Variants in MKI67 observed in about 807,000 individuals in gnomAD.
MKI67 encodes the protein proliferation marker protein Ki-67.
MKI67 carries 152 observed loss-of-function variants against 233.5 expected under a neutral mutation model. The ratio of observed to expected loss-of-function variants is 0.65; its 90% CI spans 0.57 to 0.74. The LOEUF (loss-of-function observed/expected upper bound fraction) is 0.74. Among genes scored for constraint, MKI67 ranks in the 30% least tolerant of loss-of-function variants. The pLI is 0.00. For missense variants in MKI67, 3,940 were observed against 3,885.2 expected, an observed-to-expected ratio of 1.01 and a Z score of -0.37; for synonymous variants, 1,465 against 1,418.5, an observed-to-expected ratio of 1.03 and a Z score of -0.74.
In MKI67 at chr10:128,107,350, T is replaced by A; in HGVS notation, c.4490A>T (p.Gln1497Leu). ...EKTTKIACRS[Q>L]PDPVDTPTSS... ...TGTTGGTGTGTCCACTGGGTCTGGT[T>A]GTGATCTGCAGGCTATTTTGGTAGT... is the stretch of plus-strand genomic sequence containing the variant. Residue 1497 changes from glutamine (Q) to leucine (L), a missense_variant, in exon 13 of 15, where the codon CAA becomes CTA. Transcript: ENST00000368654. The A allele has an allele frequency of 6.2e-7, 1 of 1,613,906 alleles. No homozygotes were observed. The highest frequency in any genetic ancestry group is 2.2e-5 in the East Asian group (1 of 44,852).
chr10:128,111,418 C>T (rs879914201), intron 11 of MKI67: 8 of 473,038 alleles, frequency 1.7e-5, no homozygotes, highest in Admixed American at 3.8e-5. Context: ...TTGACATTTC[C>T]ACACCTATTT....
intron 11 of MKI67, among the ~76,000 whole-genome samples, chr10:128,111,014 T>C (rs939528023): frequency 1.3e-5 from 2 of 152,260 alleles, no homozygotes; most frequent in African/African-American, 2.4e-5. Context: ...AGTAATAATA[T>C]ATATTTTTGA....
rs762801824 is a variant in MKI67 at position 128,115,246 on chromosome 10, TA to T, written c.1161del (p.Asp387GlufsTer59). The T allele has an allele frequency of 1.9e-6, 3 of 1,614,254 alleles. No homozygotes were observed. The South Asian group carries it at 3.3e-5, about 18-fold the overall frequency. ...GAAAGCTTCCTGGGAGTAAGAGTTT[TA>T]TCACCAGCCTTGAAGCCTTCACTTT... is the stretch of plus-strand genomic sequence containing the variant. The part of the protein sequence containing the change: ...LGKSEGFKAG[D>X]KTLTPRKLST... On this transcript the variant is annotated frameshift_variant, in exon 7 of 15. Transcript: ENST00000368654. LOFTEE classifies it high-confidence loss of function.
In MKI67 at chr10:128,123,102, G is replaced by A. The variant is rs776265637; in HGVS notation, c.160C>T (p.His54Tyr). ...AAAAACCCACTCACCTCCTGCTCAT[G>A]GATTTCAATTTTGCAATGTTGTTTT... The part of the protein sequence containing the change: ...VSKQHCKIEI[H>Y]EQEAILHNFS... The change falls in exon 3 of 15, where the codon CAT (histidine) becomes TAT (tyrosine). Residue 54 changes from histidine (H) to tyrosine (Y), a missense_variant. Coordinates refer to ENST00000368654, the MANE Select transcript of MKI67 (RefSeq NM_002417.5). 3 of 1,613,514 alleles carry A rather than the reference G, an allele frequency of 1.9e-6. No homozygotes were observed. The highest frequency in any genetic ancestry group is 2.2e-5 in the South Asian group (2 of 91,064).
rs369941908 is a variant in MKI67 at position 128,122,972 on chromosome 10, T to C, written c.196A>G (p.Thr66Ala). ...QEAILHNFSS[T>A]NPTQVNGSVI... ...GACCCATTTACTTGTGTTGGATTTG[T>C]GGAACTGAAATTATGTAATATTGCC... Residue 66 changes from threonine (T) to alanine (A), a missense_variant, in exon 4 of 15, where the codon ACA becomes GCA. Coordinates refer to ENST00000368654, the MANE Select transcript of MKI67 (RefSeq NM_002417.5). The C allele has an allele frequency of 2.3e-5, 37 of 1,608,012 alleles. No individual in the cohort carries two copies. Among genetic ancestry groups the C allele is most frequent in the Non-Finnish European group, 3.1e-5 (36 of 1,175,074 alleles).
chr10:128,115,051 C>T lies in MKI67; in HGVS notation c.1357G>A (p.Glu453Lys). ...AGGGAATCCTTTTGGATCTTCCTCT[C>T]AACTTGAGTGAGCCACAGAGTTAAA... ...PFLTLWLTQV[E>K]RKIQKDSLSK... The change falls in exon 7 of 15, where the codon GAG becomes AAG. Residue 453 changes from glutamate to lysine, a missense_variant. Coordinates refer to ENST00000368654, the MANE Select transcript of MKI67 (RefSeq NM_002417.5). 1 of 1,613,486 alleles carries T rather than the reference C, an allele frequency of 6.2e-7. No individual in the cohort carries two copies. The highest frequency in any genetic ancestry group is 8.5e-7 in the Non-Finnish European group (1 of 1,179,406).
chr10:128,104,038 T>C lies in MKI67; in HGVS notation c.7802A>G (p.Lys2601Arg). Reference protein sequence around the residue: ...PELTDTATSTKRCPKTRPRKE... With the variant: ...PELTDTATSTRRCPKTRPRKE... ...CCTGGGACGTGTCTTGGGGCATCTC[T>C]TTGTGCTCGTGGCAGTGTCTGTTAG... is the stretch of plus-strand genomic sequence containing the variant. The change falls in exon 13 of 15, where the codon AAG (lysine) becomes AGG (arginine). Residue 2601 changes from lysine to arginine, a missense_variant. Coordinates refer to ENST00000368654, the MANE Select transcript of MKI67 (RefSeq NM_002417.5). 1 of 1,614,122 alleles carries C rather than the reference T, an allele frequency of 6.2e-7. No individual in the cohort carries two copies.
chr10:128,119,192 A>G, intron 5 of MKI67, 61 bp downstream of exon 5: 1 of 1,180,370 alleles, frequency 8.5e-7, no homozygotes, highest in East Asian at 2.3e-5. Flanking sequence ...TCATTAAAGC[A>G]TACATAAATG....
chr10:128,101,428 C>T lies in MKI67; in HGVS notation c.9535G>A (p.Ala3179Thr). ...VAEESGGQKS[A>T]KVLMQNQKGK... ...TTCTGATTCTGCATGAGAACCTTCG[C>T]ACTCTTCTGCCCTCCGCTCTCCTCT... is the stretch of plus-strand genomic sequence containing the variant. The change falls in exon 14 of 15, where the codon GCG becomes ACG. Residue 3179 changes from alanine to threonine, a missense_variant. Ala to Thr is a moderately conservative substitution (Grantham distance 58, BLOSUM62 0). Transcript: ENST00000368654. The T allele has an allele frequency of 1.2e-6, 2 of 1,614,196 alleles. No individual in the cohort carries two copies. Among genetic ancestry groups the T allele is most frequent in the Middle Eastern group, 3.3e-4 (2 of 6,062 alleles).
In MKI67 at chr10:128,115,882, C is replaced by G. The variant is rs933456023; in HGVS notation, c.526G>C (p.Ala176Pro). Residue 176 changes from alanine (A) to proline (P), a missense_variant, in exon 7 of 15, where the codon GCT (alanine) becomes CCT (proline). Physicochemically the swap from Ala to Pro is conservative, Grantham distance 27. Coordinates refer to ENST00000368654, the MANE Select transcript of MKI67 (RefSeq NM_002417.5). ...GAATGAACATTAGTTGTTCCCTGAG[C>G]AACACTGTCTTTTGAGTCATCTGCG... ...STADDSKDSV[A>P]QGTTNVHSSE... 6.2e-7 allele frequency: 1 copy of G among 1,609,292 alleles called. No homozygotes were observed. The highest frequency in any genetic ancestry group is 1.3e-5 in the African/African-American group (1 of 74,938).
In MKI67 at chr10:128,107,901, C is replaced by T. The variant is rs368815462; in HGVS notation, c.3939G>A (p.Val1313=). 7.4e-6 allele frequency: 12 copies of T among 1,613,134 alleles called. No individual in the cohort carries two copies. The highest frequency in any genetic ancestry group is 1.7e-5 in the Admixed American group (1 of 59,846). ...VGEEKDIIIF[V]GTPVQKLDLT... is the part of the protein sequence containing the mutation. ...GGTCCAGTTTCTGCACTGGAGTTCC[C>T]ACAAATATGATGATGTCTTTCTCTT... Residue 1313 remains valine, a synonymous_variant, in exon 13 of 15, where the codon GTG becomes GTA. Transcript: ENST00000368654.
rs746499946 is a variant in MKI67, at chr10:128,103,330, C to T, written c.8510G>A (p.Ser2837Asn). ...ACGTGTCCTGGGCCGTCTCTTTGAG[C>T]TTGTTGCGGTGTCTTCTAGTTCTGG... is the stretch of plus-strand genomic sequence containing the variant. ...SSPELEDTATSSKRRPRTRAQ... is the reference protein window; with the variant it reads ...SSPELEDTATNSKRRPRTRAQ... Residue 2837 changes from serine to asparagine, a missense_variant, in exon 13 of 15, where the codon AGC (serine) becomes AAC (asparagine). Coordinates refer to ENST00000368654, the MANE Select transcript of MKI67 (RefSeq NM_002417.5). 3.1e-6 allele frequency: 5 copies of T among 1,614,098 alleles called. No individual in the cohort carries two copies. The East Asian group carries it at 1.1e-4, about 36-fold the overall frequency.
chr10:128,105,312 A>T lies in MKI67; in HGVS notation c.6528T>A (p.Gly2176=). Residue 2176 remains glycine, a synonymous_variant, in exon 13 of 15, where the codon GGT becomes GGA. Transcript: ENST00000368654. The part of the protein sequence containing the change: ...QKLDPAASVT[G]SKRQPRTPKG... ...TAGGAGTTCTTGGCTGCCTCTTGCTACCAGTTACACTTGCTGCTGGGTCCA... is the reference window on the plus strand; with the variant it reads ...TAGGAGTTCTTGGCTGCCTCTTGCTTCCAGTTACACTTGCTGCTGGGTCCA... 1 of 1,613,758 alleles carries T rather than the reference A, an allele frequency of 6.2e-7. No homozygotes were observed. The highest frequency in any genetic ancestry group is 1.7e-5 in the Admixed American group (1 of 59,994).
At position 128,109,091 on chromosome 10, in the gene MKI67, T is replaced by C. The variant is rs1187017991; in HGVS notation, c.2749A>G (p.Arg917Gly). 3 of 1,614,250 alleles carry C rather than the reference T, an allele frequency of 1.9e-6. No homozygotes were observed. The highest frequency in any genetic ancestry group is 2.5e-6 in the Non-Finnish European group (3 of 1,180,042). ...ATTTCCTTCATCTCTCCTTCTCTCC[T>C]TTGTTGTAGTAGTGTTGCCTTCTGA... ...RGQKATLLQQRREGEMKEIER... is the reference protein window; with the variant it reads ...RGQKATLLQQGREGEMKEIER... Residue 917 changes from arginine to glycine, a missense_variant, in exon 13 of 15, where the codon AGG (arginine) becomes GGG (glycine). Transcript: ENST00000368654.
chr10:128,122,109 T>C (rs2136151458), intron 4 of MKI67, among the ~76,000 whole-genome samples: 1 of 152,306 alleles, frequency 6.6e-6, no homozygotes, highest in African/African-American at 2.4e-5. Context: ...GCTGAGGATG[T>C]ATTAGTCTGC....
In MKI67 at chr10:128,107,780, G is replaced by C; in HGVS notation, c.4060C>G (p.Gln1354Glu). ...EDLTGFKELFQTPGHTEEAVA... is the reference protein window; with the variant it reads ...EDLTGFKELFETPGHTEEAVA... ...GCTTCTTCAGTATGACCAGGGGTCT[G>C]GAAGAGCTCTTTAAAGCCAGTCAGG... Residue 1354 changes from glutamine (Q) to glutamate (E), a missense_variant, in exon 13 of 15, where the codon CAG becomes GAG. Physicochemically the swap from Gln to Glu is conservative, Grantham distance 29. Coordinates refer to ENST00000368654, the MANE Select transcript of MKI67 (RefSeq NM_002417.5). 6.2e-7 allele frequency: 1 copy of C among 1,613,984 alleles called. No homozygotes were observed. The highest frequency in any genetic ancestry group is 8.5e-7 in the Non-Finnish European group (1 of 1,179,992).
chr10:128,110,386 T>C lies in MKI67; in HGVS notation c.2408A>G (p.Glu803Gly). The C allele has an allele frequency of 6.4e-7, 1 of 1,564,128 alleles. No homozygotes were observed. The highest frequency in any genetic ancestry group is 8.7e-7 in the Non-Finnish European group (1 of 1,143,126). Residue 803 changes from glutamate (E) to glycine (G), a missense_variant, in exon 12 of 15, where the codon GAG becomes GGG. Transcript: ENST00000368654. ...SGEEPLLPTSESFGGNVFFSA... is the reference protein window; with the variant it reads ...SGEEPLLPTSGSFGGNVFFSA... ...GAAACAAGGAAACCAACCAAAACTCTCTGAGGTGGGGAGCAGAGGTTCTTC... is the reference window on the plus strand; with the variant it reads ...GAAACAAGGAAACCAACCAAAACTCCCTGAGGTGGGGAGCAGAGGTTCTTC...
Position 128,108,752 on chromosome 10 carries a change from C to G in MKI67, c.3088G>C (p.Gly1030Arg), listed in dbSNP as rs201157040. The G allele has an allele frequency of 1.1e-5, 17 of 1,614,080 alleles. No homozygotes were observed. The Admixed American group carries it at 1.8e-4, about 17-fold the overall frequency. Reference protein sequence around the residue: ...HTKQQLKASLGKVGVKEELLA... With the variant: ...HTKQQLKASLRKVGVKEELLA... ...AGCTCTTCTTTCACACCTACTTTCC[C>G]CAGGGATGCCTTCAACTGTTGTTTT... The change falls in exon 13 of 15, where the codon GGG becomes CGG. Residue 1030 changes from glycine to arginine, a missense_variant. Physicochemically the swap from Gly to Arg is moderately radical, Grantham distance 125 (BLOSUM62 -2). Transcript: ENST00000368654.
At position 128,113,590 on chromosome 10, in the gene MKI67, C is replaced by G; in HGVS notation, c.1493G>C (p.Gly498Ala). The G allele has an allele frequency of 6.2e-7, 1 of 1,613,994 alleles. No homozygotes were observed. The highest frequency in any genetic ancestry group is 8.5e-7 in the Non-Finnish European group (1 of 1,179,892). ...NFGDSINESE[G>A]IPLKRRRVSF... ...CACACGCCTTCTTTTCAAAGGTATTCCCTCACTCTCATCTAAAGTAACGGA... is the reference window on the plus strand; with the variant it reads ...CACACGCCTTCTTTTCAAAGGTATTGCCTCACTCTCATCTAAAGTAACGGA... The change falls in exon 8 of 15, where the codon GGA (glycine) becomes GCA (alanine). Residue 498 changes from glycine (G) to alanine (A), a missense_variant. Coordinates refer to ENST00000368654, the MANE Select transcript of MKI67 (RefSeq NM_002417.5).
Sources: gnomAD v4.1 joint callset for allele counts (sites outside exome capture counted in the v4.1 genomes callset) on GRCh38, gnomAD v4.1.1 for gene constraint, MANE v1.5 for transcripts, NCBI Gene and HGNC (gene_info 2026-07-23, HGNC 2026-07-21) for gene names.